Variants in PLAUR observed in about 807,000 individuals in gnomAD.
PLAUR encodes plasminogen activator, urokinase receptor.
In PLAUR, 22 loss-of-function variants were observed where a neutral mutation model predicts 33.4. That is an observed-to-expected ratio of 0.66 (90% CI 0.47 to 0.94). The LOEUF (loss-of-function observed/expected upper bound fraction) is 0.94, where lower values mean the gene tolerates loss of function less well. Among genes scored for constraint, PLAUR ranks in the 40% least tolerant of loss-of-function variants. The pLI is 0.00. For missense variants in PLAUR, 408 were observed against 434.7 expected (o/e 0.94, Z 0.55); for synonymous variants, 148 against 167.3 (o/e 0.88, Z 0.89).
intron 6 of PLAUR, chr19:43,651,636 A>T (rs569765562): frequency 5.3e-6 from 1 of 188,496 alleles, no homozygotes; most frequent in African/African-American, 2.4e-5. Flanking sequence ...GGGTTTCACC[A>T]TGGTGGCCAG....
chr19:43,663,785 C>T (rs1445202974), intron 3 of PLAUR, among the ~76,000 whole-genome samples: 7 of 113,316 alleles, frequency 6.2e-5, no homozygotes, highest in South Asian at 2.8e-4. Flanking sequence ...CCATCTCAAA[C>T]GAACAAACAA....
At chr19:43,663,363 G>A (rs1248989508) in intron 3 of PLAUR, among the ~76,000 whole-genome samples, 1 of 149,994 alleles carries the variant, frequency 6.7e-6, no homozygotes, top group Non-Finnish European at 1.5e-5. Flanking sequence ...AGGACTGTGA[G>A]TCCCATGGAG....
At chr19:43,665,005 AGGATGGGGTTGATTTGG>A (rs1967166202) in intron 3 of PLAUR, 1 of 360,598 alleles carries the variant, frequency 2.8e-6, no homozygotes, top group East Asian at 4.3e-5. Context: ...GTCTGAGATA[AGGATGGGGTTGATTTGG>A]GGATGGGGTT....
chr19:43,649,016 G>C lies in PLAUR; in HGVS notation c.882C>G (p.Asn294Lys), dbSNP rs1325935583. The C allele has an allele frequency of 1.9e-6, 3 of 1,614,106 alleles. No homozygotes were observed. The highest frequency in any genetic ancestry group is 1.3e-5 in the African/African-American group (1 of 74,926). Residue 294 changes from asparagine (N) to lysine (K), a missense_variant, in exon 7 of 7, where the codon AAC (asparagine) becomes AAG (lysine). Physicochemically the swap from Asn to Lys is moderately conservative, Grantham distance 94 (BLOSUM62 0). Transcript: ENST00000340093. ...DVSCCTKSGC[N>K]HPDLDVQYRS... Reference sequence around the variant, plus strand: ...GGTACTGGACATCCAGGTCTGGGTGGTTACAGCCACTTTTAGTACAGCAGG... The same window carrying C: ...GGTACTGGACATCCAGGTCTGGGTGCTTACAGCCACTTTTAGTACAGCAGG...
chr19:43,659,222 G>A (rs1974340459), intron 3 of PLAUR, among the ~76,000 whole-genome samples: 1 of 139,652 alleles, frequency 7.2e-6, no homozygotes, highest in Non-Finnish European at 1.5e-5. Flanking sequence ...GGAGTGCAGT[G>A]GCTCACTGCC....
At chr19:43,662,426 AG>A (rs1333047871) in intron 3 of PLAUR, among the ~76,000 whole-genome samples, 5 of 152,124 alleles carry the variant, frequency 3.3e-5, no homozygotes, top group Non-Finnish European at 7.4e-5. Flanking sequence ...TGAACCTAGG[AG>A]GCGGAGGTTG....
At chr19:43,655,044 G>A (rs999698936) in intron 5 of PLAUR, among the ~76,000 whole-genome samples, 4 of 152,062 alleles carry the variant, frequency 2.6e-5, no homozygotes, top group Admixed American at 6.6e-5. Flanking sequence ...GTGAGGCTGA[G>A]GCAGACAGAT....
rs1372732684 is a variant in PLAUR, at chr19:43,665,320, G to C, written c.306C>G (p.Asn102Lys). ...GGCAAGGGCTGCCCTACTCACCAGA[G>C]TTGCCCTGGTTGCACAAGTCTAACC... ...VCGLDLCNQG[N>K]SGRAVTYSRS... The change falls in exon 3 of 7, where the codon AAC (asparagine) becomes AAG (lysine). Residue 102 changes from asparagine to lysine, a missense_variant. Coordinates refer to ENST00000340093, the MANE Select transcript of PLAUR (RefSeq NM_002659.4). 2.5e-6 allele frequency: 4 copies of C among 1,614,012 alleles called. No homozygotes were observed. Among genetic ancestry groups the C allele is most frequent in the East Asian group, 4.5e-5 (2 of 44,852 alleles).
intron 3 of PLAUR, among the ~76,000 whole-genome samples, chr19:43,661,962 G>A (rs1354352752): frequency 1.3e-5 from 2 of 151,982 alleles, no homozygotes; most frequent in Non-Finnish European, 2.9e-5. Context: ...CAACTCCTGG[G>A]ATCAAGCAGT....
chr19:43,659,938 T>G (rs1191024106), intron 3 of PLAUR, among the ~76,000 whole-genome samples: 1 of 152,224 alleles, frequency 6.6e-6, no homozygotes, highest in African/African-American at 2.4e-5. Context: ...TCCTTTCTTC[T>G]GTTTTCCTGA....
chr19:43,657,668 C>T (rs1974269714), intron 3 of PLAUR, among the ~76,000 whole-genome samples: 1 of 152,224 alleles, frequency 6.6e-6, no homozygotes, highest in Admixed American at 6.5e-5. Context: ...TGTCTGGTGA[C>T]AGGTATGTCT....
downstream of PLAUR, among the ~76,000 whole-genome samples, chr19:43,648,011 T>C (rs577780278): frequency 1.7e-4 from 25 of 149,910 alleles, no homozygotes; most frequent in Non-Finnish European, 3.2e-4. Flanking sequence ...AGGTTCGGAA[T>C]GTTTTCATGT....
At chr19:43,660,000 G>C (rs1568559686) in intron 3 of PLAUR, among the ~76,000 whole-genome samples, 2 of 152,070 alleles carry the variant, frequency 1.3e-5, no homozygotes, top group African/African-American at 2.4e-5. Flanking sequence ...TCCAATATCT[G>C]AGTTGCTACA....
At chr19:43,652,107 C>T (rs1230309503) in intron 6 of PLAUR, 118 bp downstream of exon 6, 3 of 1,527,472 alleles carry the variant, frequency 2.0e-6, no homozygotes, top group South Asian at 2.5e-5. Flanking sequence ...TGAAGGAAAT[C>T]CCACCTTTTC....
chr19:43,655,346 G>A, intron 5 of PLAUR, 93 bp downstream of exon 5: 1 of 1,239,492 alleles, frequency 8.1e-7, no homozygotes, highest in South Asian at 1.4e-5. Flanking sequence ...GGCCCAGAGA[G>A]GACTTGATTG....
At chr19:43,651,805 T>C in intron 6 of PLAUR, 3 of 996,172 alleles carry the variant, frequency 3.0e-6, no homozygotes, top group Non-Finnish European at 3.6e-6. Flanking sequence ...TACAGAGACC[T>C]TTCCAGGACA....
At chr19:43,669,444 G>T (rs1967422558) in intron 1 of PLAUR, among the ~76,000 whole-genome samples, 1 of 152,134 alleles carries the variant, frequency 6.6e-6, no homozygotes, top group Non-Finnish European at 1.5e-5. Context: ...TTTCCTCTGC[G>T]AAACGAAATT....
intron 5 of PLAUR, among the ~76,000 whole-genome samples, chr19:43,653,558 C>G (rs1974082019): frequency 6.6e-6 from 1 of 151,606 alleles, no homozygotes; most frequent in African/African-American, 2.4e-5. Flanking sequence ...CTTTGGGAGG[C>G]CGAGGCAGGA....
At chr19:43,656,236 G>C (rs1201359974) in intron 4 of PLAUR, among the ~76,000 whole-genome samples, 1 of 136,488 alleles carries the variant, frequency 7.3e-6, no homozygotes, top group Non-Finnish European at 1.6e-5. Flanking sequence ...CTGGGTGACA[G>C]AGAGCAAGAC....
Sources: gnomAD v4.1 joint callset for allele counts (sites outside exome capture counted in the v4.1 genomes callset) on GRCh38, gnomAD v4.1.1 for gene constraint, MANE v1.5 for transcripts, NCBI Gene and HGNC (gene_info 2026-07-23, HGNC 2026-07-21) for gene names.